The following AP5Z1 variants were observed in gnomAD, a reference collection of about 807,000 sequenced individuals.
AP5Z1 encodes AP-5 complex subunit zeta-1.
In AP5Z1, 106 loss-of-function variants were observed where a neutral mutation model predicts 83.0. That is an observed-to-expected ratio of 1.28 (90% CI 1.09 to 1.50). The LOEUF (loss-of-function observed/expected upper bound fraction) is 1.50, where lower values mean the gene tolerates loss of function less well. Among genes scored for constraint, AP5Z1 ranks in the 40% most tolerant of loss-of-function variants. AP5Z1 has a pLI of 0.00. For missense variants in AP5Z1, 1,565 were observed against 1,094.2 expected, an observed-to-expected ratio of 1.43 and a Z score of -6.07; for synonymous variants, 751 against 514.1, an observed-to-expected ratio of 1.46 and a Z score of -6.23.
rs1000978828 is a variant in AP5Z1 at position 4,792,812 on chromosome 7, G to A, written c.*1427G>A. ...TACCAAGGCGTGCGTGCCAGTGCGC[G>A]GGTCTCGGGATCACTTCCCAGTGCG... On this transcript the variant is annotated 3_prime_UTR_variant, in exon 17 of 17. Transcript: ENST00000649063. 3 of 152,458 alleles carry A rather than the reference G, an allele frequency of 2.0e-5. No individual in the cohort carries two copies. Among genetic ancestry groups the A allele is most frequent in the East Asian group, 1.9e-4 (1 of 5,192 alleles). The allele number at this position is 152,458 out of a possible 1,614,324, so 9.4% of individuals were successfully genotyped here. A position where few individuals can be genotyped will look rare whatever the true frequency, so the allele number is the denominator to read the frequency against.
chr7:4,777,700 A>G (rs1394392980), intron 1 of AP5Z1, among the ~76,000 whole-genome samples: 3 of 151,942 alleles, frequency 2.0e-5, no homozygotes, highest in Admixed American at 6.6e-5. Flanking sequence ...AGCCCTCACT[A>G]TTTAAATACC....
rs1583247839 is a variant in AP5Z1 at position 4,794,206 on chromosome 7, G to A, written c.*2821G>A. 4 of 152,252 alleles carry A rather than the reference G, an allele frequency of 2.6e-5. No individual in the cohort carries two copies. In the East Asian group the frequency reaches 7.7e-4, roughly 29 times the overall value. The allele number at this position is 152,252 out of a possible 1,614,324, so 9.4% of individuals were successfully genotyped here. A position where few individuals can be genotyped will look rare whatever the true frequency, so the allele number is the denominator to read the frequency against. ...TGGAGAACCTTTGTGTCTAGCTCAGGGATTGTAAACGCACCAATCAGCACC... is the reference window on the plus strand; with the variant it reads ...TGGAGAACCTTTGTGTCTAGCTCAGAGATTGTAAACGCACCAATCAGCACC... On this transcript the variant is annotated 3_prime_UTR_variant, in exon 17 of 17. Transcript: ENST00000649063.
At chr7:4,782,748 CTTGT>C (rs1373693552) in intron 3 of AP5Z1, among the ~76,000 whole-genome samples, 4 of 151,784 alleles carry the variant, frequency 2.6e-5, no homozygotes, top group African/African-American at 2.4e-5. Flanking sequence ...TCCGGCTCTT[CTTGT>C]TTGTTTCACC....
intron 3 of AP5Z1, among the ~76,000 whole-genome samples, chr7:4,782,227 A>AT (rs1003970650): frequency 3.3e-5 from 5 of 151,854 alleles, no homozygotes; most frequent in Admixed American, 6.6e-5. Flanking sequence ...TAATGTTTGT[A>AT]TTTTTTTGTA....
intron 2 of AP5Z1, 62 bp from the exon 3 acceptor site, chr7:4,781,506 A>C (rs1583228034): frequency 6.4e-7 from 1 of 1,571,644 alleles, no homozygotes; most frequent in Non-Finnish European, 8.7e-7. Context: ...GCTCTGGGGC[A>C]CCGGGTGCTC....
chr7:4,789,724 A>C, intron 13 of AP5Z1, 108 bp from the exon 14 acceptor site: 2 of 732,784 alleles, frequency 2.7e-6, no homozygotes, highest in South Asian at 1.9e-5. Context: ...GTGGACGAGG[A>C]GTCTCCAGCC....
intron 12 of AP5Z1, chr7:4,788,565 A>G (rs375870153): frequency 3.3e-5 from 17 of 509,014 alleles, no homozygotes; most frequent in East Asian, 2.2e-4. Context: ...GCAGATGGAC[A>G]AACCGAGCCT....
chr7:4,783,375 C>A lies in AP5Z1; in HGVS notation c.426C>A (p.Ser142Arg). 6.2e-7 allele frequency: 1 copy of A among 1,613,076 alleles called. No individual in the cohort carries two copies. Among genetic ancestry groups the A allele is most frequent in the South Asian group, 1.1e-5 (1 of 91,068 alleles). Reference protein sequence around the residue: ...VGQGVLRALESRQPEGPSLRH... With the variant: ...VGQGVLRALERRQPEGPSLRH... ...AGGGCGTGCTACGAGCGCTGGAGAG[C>A]CGGCAGCCTGAGGGACCCAGCCTCA... The change falls in exon 4 of 17, where the codon AGC becomes AGA. Residue 142 changes from serine to arginine, a missense_variant. Coordinates refer to ENST00000649063, the MANE Select transcript of AP5Z1 (RefSeq NM_014855.3).
At chr7:4,778,101 C>T (rs1781274175) in intron 1 of AP5Z1, among the ~76,000 whole-genome samples, 1 of 152,106 alleles carries the variant, frequency 6.6e-6, no homozygotes, top group Non-Finnish European at 1.5e-5. Flanking sequence ...GGCACGTACC[C>T]ATAGTCACAG....
intron 1 of AP5Z1, among the ~76,000 whole-genome samples, chr7:4,777,419 C>T (rs373420721): frequency 2.6e-5 from 4 of 151,464 alleles, no homozygotes; most frequent in African/African-American, 7.3e-5. Context: ...ACAGAGTCTC[C>T]CTCTGTCGCC....
rs779126741 is a variant in AP5Z1 at position 4,785,402 on chromosome 7, C to T, written c.932-13C>T. 8.7e-6 allele frequency: 14 copies of T among 1,612,334 alleles called. No homozygotes were observed. Among genetic ancestry groups the T allele is most frequent in the South Asian group, 1.1e-5 (1 of 90,850 alleles). ...CTGAGACAGAGCCGGCTGACTTTTT[C>T]CCCTCCTTCCAGGAGCCCTGAGGAA... On this transcript the variant is annotated splice_polypyrimidine_tract_variant and intron_variant, in intron 7 of 16. Transcript: ENST00000649063.
Position 4,791,120 on chromosome 7 carries a change from C to G in AP5Z1, c.2159C>G (p.Ser720Cys). The change falls in exon 17 of 17, where the codon TCT becomes TGT. Residue 720 changes from serine to cysteine, a missense_variant. Transcript: ENST00000649063. ...GAGGGACCTTCTTTCCCCAGGGCCT[C>G]TTTATTGCTGTCAAAGATGAGGACC... ...SRSQDLIPRA[S>C]LLLSKMRTLA... 6.3e-7 allele frequency: 1 copy of G among 1,595,724 alleles called. No homozygotes were observed. Among genetic ancestry groups the G allele is most frequent in the Non-Finnish European group, 8.5e-7 (1 of 1,170,590 alleles).
rs375115830 is a variant in AP5Z1, at chr7:4,790,500, C to T, written c.1847C>T (p.Pro616Leu). The T allele has an allele frequency of 2.5e-6, 4 of 1,613,058 alleles. No individual in the cohort carries two copies. Among genetic ancestry groups the T allele is most frequent in the African/African-American group, 2.7e-5 (2 of 74,912 alleles). Residue 616 changes from proline to leucine, a missense_variant, in exon 15 of 17, where the codon CCC becomes CTC. Physicochemically the swap from Pro to Leu is moderately conservative, Grantham distance 98. Coordinates refer to ENST00000649063, the MANE Select transcript of AP5Z1 (RefSeq NM_014855.3). ...SQFLALCTLKPSLVVELARDL... is the reference protein window; with the variant it reads ...SQFLALCTLKLSLVVELARDL... Reference sequence around the variant, plus strand: ...TTCCTGGCCCTGTGTACGCTGAAACCCTCCCTGGTGGTGGAGCTGGCAAGA... The same window carrying T: ...TTCCTGGCCCTGTGTACGCTGAAACTCTCCCTGGTGGTGGAGCTGGCAAGA...
intron 12 of AP5Z1, 145 bp from the exon 13 acceptor site, chr7:4,788,695 C>G: frequency 1.4e-6 from 1 of 708,542 alleles, no homozygotes; most frequent in South Asian, 2.1e-5. Context: ...CTCCCCAAAC[C>G]CAGGGGAGCA....
In AP5Z1 at chr7:4,781,840, G is replaced by A. The variant is rs574449141; in HGVS notation, c.366+86G>A. On this transcript the variant is annotated intron_variant, in intron 3 of 16. Coordinates refer to ENST00000649063, the MANE Select transcript of AP5Z1 (RefSeq NM_014855.3). The stretch of plus-strand genomic sequence containing the variant: ...GACAGGAAGCAGGGGCGCCAGAGCC[G>A]GCAGGTGGCTGCTTGTTGTAGACGC... The A allele has an allele frequency of 1.9e-4, 272 of 1,402,740 alleles. 2 individuals carry two copies. The highest frequency in any genetic ancestry group is 9.1e-4 in the South Asian group (57 of 62,800). 86.9% of individuals were successfully genotyped at this position (1,402,740 alleles called of 1,614,324 possible). A position where few individuals can be genotyped will look rare whatever the true frequency, so the allele number is the denominator to read the frequency against.
chr7:4,779,258 T>C (rs921922828), intron 1 of AP5Z1, among the ~76,000 whole-genome samples: 1 of 146,952 alleles, frequency 6.8e-6, no homozygotes, highest in African/African-American at 2.5e-5. Context: ...TTAGAAATAA[T>C]GTATATAACA....
rs1451298572 is a variant in AP5Z1, at chr7:4,792,246, A to AGCCGCCAGGGGGCGCC, written c.*868_*883dup. The stretch of plus-strand genomic sequence containing the variant: ...TCCGCCCGGTGCCTGGGACGGGCTC[A>AGCCGCCAGGGGGCGCC]GCCGCCAGGGGGCGCCGCCGCCCCG... On this transcript the variant is annotated 3_prime_UTR_variant, in exon 17 of 17. Coordinates refer to ENST00000649063, the MANE Select transcript of AP5Z1 (RefSeq NM_014855.3). 2 of 152,292 alleles carry AGCCGCCAGGGGGCGCC rather than the reference A, an allele frequency of 1.3e-5. No homozygotes were observed. The highest frequency in any genetic ancestry group is 3.9e-4 in the East Asian group (2 of 5,160). The allele number at this position is 152,292 out of a possible 1,614,324, so 9.4% of individuals were successfully genotyped here. A position where few individuals can be genotyped will look rare whatever the true frequency, so the allele number is the denominator to read the frequency against.
rs1348622362 is a variant in AP5Z1 at position 4,791,640 on chromosome 7, G to T, written c.*255G>T. On this transcript the variant is annotated 3_prime_UTR_variant, in exon 17 of 17. Coordinates refer to ENST00000649063, the MANE Select transcript of AP5Z1 (RefSeq NM_014855.3). ...TGCCATGGAGCGGCTCTGATTGGAG[G>T]CTTGAGGCCCTGTGGCTGGGTCGGG... 9 of 549,114 alleles carry T rather than the reference G, an allele frequency of 1.6e-5. No homozygotes were observed. Among genetic ancestry groups the T allele is most frequent in the Non-Finnish European group, 1.9e-5 (6 of 318,912 alleles). 34.0% of individuals were successfully genotyped at this position (549,114 alleles called of 1,614,324 possible).
rs59177795 is a variant in AP5Z1 at position 4,786,011 on chromosome 7, C to T, written c.1133-239C>T. ...TTGCTGTGTCCCTAGCCCAGGAAAC[C>T]TGAAAGTCTAGGAACCAGCACCTTC... On this transcript the variant is annotated intron_variant, in intron 9 of 16. Coordinates refer to ENST00000649063, the MANE Select transcript of AP5Z1 (RefSeq NM_014855.3). 0.014 allele frequency among the ~76,000 whole-genome samples: 2,130 copies of T among 152,296 alleles called. 48 individuals are homozygous for T. Among genetic ancestry groups the T allele is most frequent in the African/African-American group, 0.048 (2,005 of 41,556 alleles).
Sources: gnomAD v4.1 joint callset for allele counts (sites outside exome capture counted in the v4.1 genomes callset) on GRCh38, gnomAD v4.1.1 for gene constraint, MANE v1.5 for transcripts, NCBI Gene and HGNC (gene_info 2026-07-23, HGNC 2026-07-21) for gene names.